Variants in PRPF18 observed in about 807,000 individuals in gnomAD.
PRPF18 encodes pre-mRNA processing factor 18.
Under a neutral mutation model 46.5 loss-of-function variants are expected in PRPF18, and 38 were observed. The observed-to-expected ratio is 0.82, with a 90% CI of 0.63 to 1.07. PRPF18 has a LOEUF of 1.07. Ranked by LOEUF, PRPF18 falls within the 50% of genes least tolerant of loss-of-function variation. PRPF18 has a pLI of 0.00. For synonymous variants in PRPF18, 152 were observed against 146.7 expected, an observed-to-expected ratio of 1.04 and a Z score of -0.26; for missense variants, 263 against 410.0, an observed-to-expected ratio of 0.64 and a Z score of 3.10.
chr10:13,601,486 C>T (rs2080108774), intron 3 of PRPF18, among the ~76,000 whole-genome samples: 1 of 152,168 alleles, frequency 6.6e-6, no homozygotes, highest in Non-Finnish European at 1.5e-5. Flanking sequence ...TCTTCCGTTT[C>T]CTCCCACTCC....
chr10:13,629,553 CCTTT>C (rs1278560638), intron 9 of PRPF18, among the ~76,000 whole-genome samples: 2 of 152,182 alleles, frequency 1.3e-5, no homozygotes, highest in African/African-American at 2.4e-5. Flanking sequence ...TTTGTCATTT[CCTTT>C]CTTTTTGAAA....
chr10:13,591,680 C>G (rs2079963779), intron 1 of PRPF18: 1 of 649,214 alleles, frequency 1.5e-6, no homozygotes, highest in Non-Finnish European at 2.8e-6. Context: ...CTTGAATAAG[C>G]ATCAGTGGGA....
the PRPF18 span, chr10:13,655,925 G>A: frequency 6.6e-6 from 1 of 152,080 alleles, no homozygotes; most frequent in South Asian, 2.1e-4. Flanking sequence ...TGTAACTTAA[G>A]GGAATGAGTG....
At chr10:13,636,802 C>T in the PRPF18 span, among the ~76,000 whole-genome samples, 1 of 152,150 alleles carries the variant, frequency 6.6e-6, no homozygotes, top group Non-Finnish European at 1.5e-5. Flanking sequence ...AAAATATCGG[C>T]GTGTAATTCA....
intron 1 of PRPF18, among the ~76,000 whole-genome samples, chr10:13,587,465 C>G (rs1273366346): frequency 5.3e-5 from 8 of 152,242 alleles, no homozygotes; most frequent in Non-Finnish European, 1.2e-4. Context: ...AAAAGCCAAA[C>G]CAAAAGAAAA....
At chr10:13,606,532 C>T (rs879712798) in intron 4 of PRPF18, among the ~76,000 whole-genome samples, 2 of 151,714 alleles carry the variant, frequency 1.3e-5, no homozygotes, top group East Asian at 1.9e-4. Context: ...GTGAAGAGAT[C>T]GAGACCATCC....
chr10:13,606,586 T>C (rs1041103372), intron 4 of PRPF18, among the ~76,000 whole-genome samples: 1 of 151,676 alleles, frequency 6.6e-6, no homozygotes, highest in Admixed American at 6.6e-5. Flanking sequence ...AATACAAAAA[T>C]TAGCTGGGCG....
Position 13,604,670 on chromosome 10 carries a change from C to T in PRPF18, c.250-961C>T, listed in dbSNP as rs549812805. Among the ~76,000 whole-genome samples the T allele has an allele frequency of 7.9e-5, 12 of 152,254 alleles. No homozygotes were observed. In the East Asian group the frequency reaches 2.3e-3, roughly 29 times the overall value. On this transcript the variant is annotated intron_variant, in intron 3 of 9. Transcript: ENST00000378572. ...CCATCTTAGTGTTTTTCCTGTGTGT[C>T]CTGCCACACAGATTGGTCCTATCGA...
the PRPF18 span, chr10:13,649,475 T>A: frequency 1.6e-5 from 2 of 128,014 alleles, no homozygotes; most frequent in East Asian, 3.9e-4. Context: ...GATTGGTGGT[T>A]TGGTTCTCAG....
At chr10:13,652,103 A>G in the PRPF18 span, 1 of 704,946 alleles carries the variant, frequency 1.4e-6, no homozygotes, top group Non-Finnish European at 2.6e-6. Context: ...CACCTGAGTT[A>G]GCAACAGATC....
At position 13,605,752 on chromosome 10, in the gene PRPF18, G is replaced by A; in HGVS notation, c.363+8G>A. The A allele has an allele frequency of 6.2e-7, 1 of 1,606,628 alleles. No homozygotes were observed. The highest frequency in any genetic ancestry group is 8.5e-7 in the Non-Finnish European group (1 of 1,177,678). ...ACACCAGAAGTTAACAAGGTAAGAG[G>A]ACAGAACAAAGCTAGAAAAATACCA... On this transcript the variant is annotated splice_region_variant and intron_variant, in intron 4 of 9. Transcript: ENST00000378572.
intron 1 of PRPF18, among the ~76,000 whole-genome samples, chr10:13,588,582 A>T (rs1243957157): frequency 6.6e-6 from 1 of 151,928 alleles, no homozygotes; most frequent in Non-Finnish European, 1.5e-5. Context: ...TCTCTAAAAA[A>T]AAAAAAAAAA....
At chr10:13,601,500 TGTG>T (rs1458370460) in intron 3 of PRPF18, among the ~76,000 whole-genome samples, 2 of 152,208 alleles carry the variant, frequency 1.3e-5, no homozygotes, top group Non-Finnish European at 2.9e-5. Context: ...CCACTCCCCC[TGTG>T]CCCCGATCAG....
At chr10:13,648,198 G>C in the PRPF18 span, 1 of 152,174 alleles carries the variant, frequency 6.6e-6, no homozygotes, top group African/African-American at 2.4e-5. Flanking sequence ...CCTGTGTTTG[G>C]AGCACCAGAA....
At chr10:13,629,878 C>T (rs367558762) in intron 9 of PRPF18, among the ~76,000 whole-genome samples, 2 of 152,260 alleles carry the variant, frequency 1.3e-5, no homozygotes, top group East Asian at 1.9e-4. Context: ...TTAGGCTGGG[C>T]ATTTGGAGCT....
At chr10:13,610,733 G>A (rs887006418) in intron 5 of PRPF18, among the ~76,000 whole-genome samples, 1 of 152,134 alleles carries the variant, frequency 6.6e-6, no homozygotes, top group African/African-American at 2.4e-5. Flanking sequence ...GCATAACCAC[G>A]ATGGCCTAGC....
chr10:13,621,857 A>G (rs1190585852), intron 9 of PRPF18, among the ~76,000 whole-genome samples: 2 of 152,170 alleles, frequency 1.3e-5, no homozygotes, highest in Admixed American at 1.3e-4. Flanking sequence ...CATCATCCCA[A>G]TATTTTATGT....
chr10:13,587,199 T>C lies in PRPF18; in HGVS notation c.66+47T>C. The C allele has an allele frequency of 1.3e-6, 2 of 1,563,582 alleles. 1 individual carries two copies. The highest frequency in any genetic ancestry group is 2.2e-5 in the South Asian group (2 of 90,014). ...GGGTCGGGATGTAAGAGTGAGAGTA[T>C]GTGTGTCGGGGTTTTGGGGTGAGGG... On this transcript the variant is annotated intron_variant, in intron 1 of 9. Coordinates refer to ENST00000378572, the MANE Select transcript of PRPF18 (RefSeq NM_003675.4).
At chr10:13,615,370 T>C (rs2080324448) in intron 8 of PRPF18, among the ~76,000 whole-genome samples, 1 of 152,246 alleles carries the variant, frequency 6.6e-6, no homozygotes, top group African/African-American at 2.4e-5. Context: ...TGGGGGAAAC[T>C]AAATATTGCA....
Sources: allele counts gnomAD v4.1 joint callset (sites outside exome capture counted in the v4.1 genomes callset), GRCh38; gene constraint gnomAD v4.1.1; transcripts MANE v1.5; gene names NCBI Gene and HGNC (gene_info 2026-07-23, HGNC 2026-07-21).